SYNE2: variants seen among roughly 807,000 people sequenced by gnomAD.
SYNE2 encodes the protein spectrin repeat containing nuclear envelope protein 2.
A neutral mutation model predicts 856.3 loss-of-function variants in SYNE2; 431 were observed. That is an observed-to-expected ratio of 0.50 (90% CI 0.47 to 0.55). SYNE2 has a LOEUF of 0.55. Among genes scored for constraint, SYNE2 ranks in the 20% least tolerant of loss-of-function variants. SYNE2 has a pLI of 0.00. For synonymous variants in SYNE2, 2,923 were observed against 2,872.3 expected (o/e 1.02, Z -0.56); for missense variants, 8,129 against 8,023.2 (o/e 1.01, Z -0.50).
Position 64,216,439 on chromosome 14 carries a change from C to A in SYNE2, c.19542+52C>A, listed in dbSNP as rs775706751. 5.0e-6 allele frequency: 8 copies of A among 1,591,218 alleles called. No homozygotes were observed. The African/African-American group carries it at 5.4e-5, about 11-fold the overall frequency. Reference sequence around the variant, plus strand: ...AGCCTATGTCTGTGAGTCATACTTACATTTGCAAGAGAGAGAGATTTTGGT... The same window carrying A: ...AGCCTATGTCTGTGAGTCATACTTAAATTTGCAAGAGAGAGAGATTTTGGT... On this transcript the variant is annotated intron_variant, in intron 108 of 115. Transcript: ENST00000555002.
chr14:63,995,382 G>T (rs1322518502), intron 23 of SYNE2, among the ~76,000 whole-genome samples, 180 bp downstream of exon 23: 2 of 152,104 alleles, frequency 1.3e-5, no homozygotes, highest in Non-Finnish European at 2.9e-5. Context: ...TTACTTTTTA[G>T]AAGTGAGAAA....
intron 70 of SYNE2, among the ~76,000 whole-genome samples, chr14:64,122,746 C>G (rs1013336394): frequency 3.9e-5 from 6 of 152,130 alleles, no homozygotes; most frequent in Admixed American, 1.3e-4. Flanking sequence ...AAGCACCGTA[C>G]CTAGGACATC....
intron 1 of SYNE2, among the ~76,000 whole-genome samples, chr14:63,780,213 T>G (rs1213145028): frequency 1.3e-5 from 2 of 152,132 alleles, no homozygotes; most frequent in Admixed American, 1.3e-4. Context: ...CAAACTGTAC[T>G]ATATTTATAC....
intron 100 of SYNE2, among the ~76,000 whole-genome samples, chr14:64,207,420 C>CA (rs1444279511): frequency 6.6e-6 from 1 of 151,772 alleles, no homozygotes; most frequent in African/African-American, 2.4e-5. Flanking sequence ...ACCAAAAATA[C>CA]AAAAAATTAG....
intron 2 of SYNE2, among the ~76,000 whole-genome samples, chr14:63,931,252 G>A (rs1382453916): frequency 6.6e-6 from 1 of 152,074 alleles, no homozygotes; most frequent in Non-Finnish European, 1.5e-5. Flanking sequence ...TTGCCTAGGG[G>A]TTATTAAAAT....
At chr14:64,053,915 G>C (rs2097248553) in intron 48 of SYNE2, among the ~76,000 whole-genome samples, 1 of 152,200 alleles carries the variant, frequency 6.6e-6, no homozygotes, top group African/African-American at 2.4e-5. Flanking sequence ...GTTGTAATGA[G>C]TCAACATCCC....
intron 2 of SYNE2, among the ~76,000 whole-genome samples, chr14:63,939,087 G>A (rs1022172495): frequency 1.3e-5 from 2 of 152,188 alleles, no homozygotes; most frequent in African/African-American, 4.8e-5. Flanking sequence ...TAAGCATTGG[G>A]CACAGGGTGC....
intron 57 of SYNE2, chr14:64,087,290 C>T (rs906976967): frequency 1.5e-5 from 6 of 407,014 alleles, no homozygotes; most frequent in Non-Finnish European, 2.4e-5. Context: ...CTGAAGAGTA[C>T]ATTATCAAGC....
rs768703380 is a variant in SYNE2 at position 64,051,683 on chromosome 14, C to G, written c.7770C>G (p.Asp2590Glu). ...AGAATTTATCAAACCACGTGACTGA[C>G]ATGGATAAGAAATTGTTGGAAAGCC... is the stretch of plus-strand genomic sequence containing the variant. ...KWENLSNHVT[D>E]MDKKLLESQI... The change falls in exon 48 of 116, where the codon GAC becomes GAG. Residue 2590 changes from aspartate (D) to glutamate (E), a missense_variant. By Grantham distance (45) the Asp-to-Glu change is conservative (BLOSUM62 2). Transcript: ENST00000555002. The G allele has an allele frequency of 1.2e-6, 2 of 1,614,072 alleles. No individual in the cohort carries two copies. Among genetic ancestry groups the G allele is most frequent in the East Asian group, 2.2e-5 (1 of 44,896 alleles).
intron 1 of SYNE2, among the ~76,000 whole-genome samples, chr14:63,896,291 T>C (rs545892195): frequency 6.6e-6 from 1 of 152,294 alleles, no homozygotes; most frequent in South Asian, 2.1e-4. Context: ...AAGAGTACAA[T>C]GGTAGGTTTC....
intron 2 of SYNE2, among the ~76,000 whole-genome samples, chr14:63,937,910 CAG>C (rs1240874187): frequency 2.6e-5 from 4 of 152,248 alleles, no homozygotes; most frequent in Middle Eastern, 6.8e-3. Context: ...GAAAAACTGG[CAG>C]AGTCAATGGC....
intron 45 of SYNE2, among the ~76,000 whole-genome samples, chr14:64,034,990 C>A (rs960447039): frequency 6.7e-6 from 1 of 150,142 alleles, no homozygotes; most frequent in Non-Finnish European, 1.5e-5. Context: ...ATGGAATGAT[C>A]TTTCTTGCCC....
chr14:64,069,241 A>T (rs2097383269), intron 51 of SYNE2, among the ~76,000 whole-genome samples: 1 of 152,128 alleles, frequency 6.6e-6, no homozygotes, highest in African/African-American at 2.4e-5. Context: ...CATCTATGTA[A>T]CAATTTCTTT....
At chr14:64,208,659 T>G in intron 100 of SYNE2, 99 bp from the exon 101 acceptor site, 104 of 1,280,072 alleles carry the variant, frequency 8.1e-5, no homozygotes, top group Non-Finnish European at 1.0e-4. Flanking sequence ...AAGTATCCCC[T>G]GAGCTGGGAG....
intron 64 of SYNE2, among the ~76,000 whole-genome samples, chr14:64,105,817 T>C (rs1304556225): frequency 1.3e-5 from 2 of 152,078 alleles, no homozygotes; most frequent in South Asian, 4.2e-4. Context: ...CCTAGCACTT[T>C]GGGAGGCTGA....
intron 6 of SYNE2, among the ~76,000 whole-genome samples, chr14:63,942,654 C>T (rs1050860084): frequency 1.3e-5 from 2 of 152,120 alleles, no homozygotes; most frequent in African/African-American, 4.8e-5. Flanking sequence ...CACCATCACG[C>T]CCAGCCAATT....
At chr14:64,105,237 A>G (rs1335757177) in intron 64 of SYNE2, among the ~76,000 whole-genome samples, 1 of 152,202 alleles carries the variant, frequency 6.6e-6, no homozygotes, top group Non-Finnish European at 1.5e-5. Flanking sequence ...GACTTTTCCT[A>G]AAACCAATCA....
intron 49 of SYNE2, among the ~76,000 whole-genome samples, chr14:64,056,562 A>T (rs2153581122): frequency 6.6e-6 from 1 of 152,154 alleles, no homozygotes; most frequent in African/African-American, 2.4e-5. Flanking sequence ...GATAAAACTA[A>T]TATCTTTGTA....
chr14:63,902,249 A>G (rs1160331361), intron 1 of SYNE2, among the ~76,000 whole-genome samples: 6 of 151,826 alleles, frequency 4.0e-5, no homozygotes, highest in African/African-American at 1.5e-4. Context: ...CATCTCTACT[A>G]AAAGTACAAA....
Sources: gnomAD v4.1 joint callset for allele counts (sites outside exome capture counted in the v4.1 genomes callset) on GRCh38, gnomAD v4.1.1 for gene constraint, MANE v1.5 for transcripts, NCBI Gene and HGNC (gene_info 2026-07-23, HGNC 2026-07-21) for gene names.